Variants in KCNJ16 observed in about 807,000 individuals in gnomAD.
The protein encoded by KCNJ16 is potassium inwardly rectifying channel subfamily J member 16.
KCNJ16 carries 15 observed loss-of-function variants against 18.5 expected under a neutral mutation model. The ratio of observed to expected loss-of-function variants is 0.81; its 90% confidence interval spans 0.54 to 1.25. KCNJ16 has a LOEUF of 1.25. KCNJ16 is among the 50% of genes most tolerant of loss of function. The pLI is 0.00. For missense variants in KCNJ16, 523 were observed against 525.7 expected (o/e 0.99, Z 0.05); for synonymous variants, 174 against 186.5 (o/e 0.93, Z 0.55).
At chr17:70,115,331 T>C (rs944340304) in intron 2 of KCNJ16, among the ~76,000 whole-genome samples, 2 of 152,068 alleles carry the variant, frequency 1.3e-5, no homozygotes, top group African/African-American at 4.8e-5. Context: ...AATATGTAGC[T>C]TGAGGTTATG....
chr17:70,130,763 C>G (rs536541373), intron 2 of KCNJ16, 116 bp from the exon 3 acceptor site: 1 of 582,324 alleles, frequency 1.7e-6, no homozygotes, highest in African/African-American at 1.9e-5. Flanking sequence ...TAAAGTCCCC[C>G]GTTATAATCC....
At chr17:70,077,645 T>G (rs2071370138) in intron 1 of KCNJ16, among the ~76,000 whole-genome samples, 1 of 150,330 alleles carries the variant, frequency 6.7e-6, no homozygotes, top group East Asian at 2.0e-4. Context: ...GAAGTCTTTC[T>G]CCAAATGCCT....
chr17:70,077,535 CAG>C (rs1190301805), intron 1 of KCNJ16, among the ~76,000 whole-genome samples: 4 of 152,182 alleles, frequency 2.6e-5, no homozygotes, highest in African/African-American at 9.7e-5. Flanking sequence ...AATCTCAACA[CAG>C]AAGCCAGGCC....
intron 1 of KCNJ16, among the ~76,000 whole-genome samples, chr17:70,099,809 C>T (rs2072543585): frequency 2.0e-5 from 3 of 152,108 alleles, no homozygotes; most frequent in Admixed American, 2.0e-4. Context: ...TATTAAGCCT[C>T]ACTGTTAAGT....
chr17:70,129,199 C>T (rs964819916), intron 2 of KCNJ16, among the ~76,000 whole-genome samples: 3 of 152,184 alleles, frequency 2.0e-5, no homozygotes, highest in African/African-American at 7.2e-5. Flanking sequence ...AAAGTAGGAA[C>T]ATTGCAAATG....
intron 1 of KCNJ16, among the ~76,000 whole-genome samples, chr17:70,075,897 T>C (rs2143475197): frequency 6.6e-6 from 1 of 152,272 alleles, no homozygotes; most frequent in East Asian, 1.9e-4. Context: ...CTATTTTTTC[T>C]AGATTTATTT....
At chr17:70,102,528 A>G (rs773161189) in intron 2 of KCNJ16, among the ~76,000 whole-genome samples, 12 of 152,162 alleles carry the variant, frequency 7.9e-5, no homozygotes, top group Non-Finnish European at 1.5e-4. Flanking sequence ...TACCTGCACA[A>G]GTAGTTATTT....
rs1381226648 is a variant in KCNJ16, at chr17:70,092,529, GACAGATAGATATAGATAGAT to G, written c.-299-8127_-299-8108del. ...AGATAGATAGATAGATAGATACATA[GACAGATAGATATAGATAGAT>G]ATAGATAGATGATAGATATAGATAG... On this transcript the variant is annotated intron_variant, in intron 1 of 3. Transcript: ENST00000392671. 2.9e-3 allele frequency among the ~76,000 whole-genome samples: 180 copies of G among 61,814 alleles called. 1 individual carries two copies. Among genetic ancestry groups the G allele is most frequent in the Middle Eastern group, 0.027 (4 of 148 alleles). The allele number at this position is 61,814 out of a possible 152,430, so 40.6% of individuals were successfully genotyped here.
chr17:70,091,681 T>A (rs890881068), intron 1 of KCNJ16, among the ~76,000 whole-genome samples: 2 of 152,192 alleles, frequency 1.3e-5, no homozygotes, highest in African/African-American at 4.8e-5. Flanking sequence ...AGTTTTCTGC[T>A]GTTTTCCCAG....
At chr17:70,079,521 T>C (rs138433033) in intron 1 of KCNJ16, among the ~76,000 whole-genome samples, 4 of 152,320 alleles carry the variant, frequency 2.6e-5, no homozygotes, top group East Asian at 3.9e-4. Flanking sequence ...TTCATCCTGA[T>C]TGTCTTTTGC....
At chr17:70,131,488 AT>A (rs2074056712) in intron 3 of KCNJ16, 1 of 996,734 alleles carries the variant, frequency 1.0e-6, no homozygotes, top group Admixed American at 5.5e-5. Flanking sequence ...AAGGTGAGGG[AT>A]TACCTATTAC....
chr17:70,111,882 T>A (rs142544537), intron 2 of KCNJ16, among the ~76,000 whole-genome samples: 2 of 152,308 alleles, frequency 1.3e-5, no homozygotes, highest in Non-Finnish European at 2.9e-5. Flanking sequence ...CACGTGGAAC[T>A]GTGAGCCCAT....
At chr17:70,100,101 T>A (rs916906315) in intron 1 of KCNJ16, among the ~76,000 whole-genome samples, 1 of 152,126 alleles carries the variant, frequency 6.6e-6, no homozygotes, top group Non-Finnish European at 1.5e-5. Context: ...CAGGAAGCCC[T>A]CAGGCCGGCA....
intron 1 of KCNJ16, among the ~76,000 whole-genome samples, chr17:70,076,416 A>T (rs1341044801): frequency 7.0e-6 from 1 of 142,336 alleles, no homozygotes; most frequent in Non-Finnish European, 1.5e-5. Context: ...AGCCAAAAAG[A>T]ATTTAAAAGT....
intron 2 of KCNJ16, among the ~76,000 whole-genome samples, chr17:70,119,283 G>C (rs1334974510): frequency 2.0e-5 from 3 of 152,188 alleles, no homozygotes; most frequent in African/African-American, 7.2e-5. Context: ...CCATGTGCAA[G>C]GTAGAAGTTG....
At chr17:70,096,708 C>CATCTTG in intron 1 of KCNJ16, 1 of 366,442 alleles carries the variant, frequency 2.7e-6, no homozygotes, top group East Asian at 3.9e-5. Context: ...TCATTCTCTT[C>CATCTTG]ATAATCAGGT....
intron 2 of KCNJ16, among the ~76,000 whole-genome samples, chr17:70,108,654 C>T (rs2073043171): frequency 1.3e-5 from 2 of 152,134 alleles, no homozygotes; most frequent in East Asian, 1.9e-4. Flanking sequence ...TCAAACATTA[C>T]ATTTCAGATG....
chr17:70,130,493 G>C (rs12051608), intron 2 of KCNJ16, among the ~76,000 whole-genome samples: 34,409 of 152,050 alleles, frequency 0.23, 5,210 homozygotes, highest in African/African-American at 0.43. Flanking sequence ...ACGGGAGTTT[G>C]TGGCTTTAAG....
chr17:70,084,577 A>G (rs1009928483), intron 1 of KCNJ16, among the ~76,000 whole-genome samples: 4 of 152,208 alleles, frequency 2.6e-5, no homozygotes, highest in Non-Finnish European at 4.4e-5. Context: ...AGACATTTTA[A>G]TAAGTTTGAA....
Sources: gnomAD v4.1 joint callset for allele counts (sites outside exome capture counted in the v4.1 genomes callset) on GRCh38, gnomAD v4.1.1 for gene constraint, MANE v1.5 for transcripts, NCBI Gene and HGNC (gene_info 2026-07-23, HGNC 2026-07-21) for gene names.